The following INPP5F variants were observed in gnomAD, a reference collection of about 807,000 sequenced individuals.
The protein encoded by INPP5F is phosphatidylinositide 4-phosphatase SAC2.
INPP5F carries 97 observed loss-of-function variants against 137.2 expected under a neutral mutation model. The ratio of observed to expected loss-of-function variants is 0.71; its 90% CI spans 0.60 to 0.84. INPP5F has a LOEUF of 0.84. Ranked by LOEUF, INPP5F falls within the 40% of genes least tolerant of loss-of-function variation. The pLI is 0.00. For missense variants in INPP5F, 1,271 were observed against 1,371.9 expected (o/e 0.93, Z 1.16); for synonymous variants, 504 against 476.9 (o/e 1.06, Z -0.74).
At chr10:119,773,003 C>T (rs761525265) in intron 2 of INPP5F, among the ~76,000 whole-genome samples, 1 of 152,068 alleles carries the variant, frequency 6.6e-6, no homozygotes, top group Non-Finnish European at 1.5e-5. Context: ...TTGCCTTGGC[C>T]TCCCAAAGTG....
intron 1 of INPP5F, among the ~76,000 whole-genome samples, chr10:119,726,666 C>A (rs1419669509): frequency 1.3e-5 from 2 of 152,214 alleles, no homozygotes; most frequent in African/African-American, 4.8e-5. Flanking sequence ...TCCCCTCCGG[C>A]AGAAAGTTCC....
intron 3 of INPP5F, among the ~76,000 whole-genome samples, chr10:119,782,757 G>C (rs578252780): frequency 2.6e-5 from 4 of 152,278 alleles, no homozygotes; most frequent in African/African-American, 9.6e-5. Context: ...GTGGGGCCTG[G>C]ATCTAGACTC....
At chr10:119,773,948 T>G (rs1849438206) in intron 2 of INPP5F, among the ~76,000 whole-genome samples, 1 of 152,170 alleles carries the variant, frequency 6.6e-6, no homozygotes, top group Non-Finnish European at 1.5e-5. Context: ...GCATTTAGTC[T>G]TTCAAGTGAA....
At chr10:119,799,692 T>TA (rs1249855132) in intron 9 of INPP5F, among the ~76,000 whole-genome samples, 14 of 152,204 alleles carry the variant, frequency 9.2e-5, no homozygotes. Context: ...TAAACATACT[T>TA]ATACTGCTTA....
chr10:119,755,200 A>G (rs1848804283), intron 2 of INPP5F, among the ~76,000 whole-genome samples: 1 of 152,194 alleles, frequency 6.6e-6, no homozygotes, highest in African/African-American at 2.4e-5. Flanking sequence ...TGTCATAGCA[A>G]AGTGCCACCA....
At chr10:119,726,460 C>A in intron 1 of INPP5F, 101 bp downstream of exon 1, 1 of 566,380 alleles carries the variant, frequency 1.8e-6, no homozygotes, top group Non-Finnish European at 2.5e-6. Context: ...CGCCTGCGGG[C>A]CTGGTGAGGC....
chr10:119,758,239 T>C (rs1270832190), intron 2 of INPP5F, among the ~76,000 whole-genome samples: 1 of 152,166 alleles, frequency 6.6e-6, no homozygotes, highest in Non-Finnish European at 1.5e-5. Context: ...TGCTCCTGGA[T>C]GGAAAGCATC....
At chr10:119,758,612 A>G (rs1413886243) in intron 2 of INPP5F, among the ~76,000 whole-genome samples, 1 of 152,194 alleles carries the variant, frequency 6.6e-6, no homozygotes, top group Non-Finnish European at 1.5e-5. Context: ...GATAAGCAAA[A>G]AGATTCATTA....
At chr10:119,754,149 A>G (rs1232723727) in intron 2 of INPP5F, among the ~76,000 whole-genome samples, 1 of 152,218 alleles carries the variant, frequency 6.6e-6, no homozygotes, top group East Asian at 1.9e-4. Flanking sequence ...TCTAGGTAAG[A>G]GACTTATTTG....
At chr10:119,747,983 A>G (rs759852319) in intron 1 of INPP5F, among the ~76,000 whole-genome samples, 1 of 152,094 alleles carries the variant, frequency 6.6e-6, no homozygotes, top group Non-Finnish European at 1.5e-5. Flanking sequence ...GCCAGTGGCG[A>G]TTTTGCCTGA....
At chr10:119,791,330 C>T (rs1850135755) in intron 3 of INPP5F, among the ~76,000 whole-genome samples, 187 bp from the exon 4 acceptor site, 1 of 152,130 alleles carries the variant, frequency 6.6e-6, no homozygotes, top group Non-Finnish European at 1.5e-5. Flanking sequence ...GTGTTTTATC[C>T]TCTGCTATAG....
At chr10:119,785,286 G>GTTGTTTTTTTT (rs770290302) in intron 3 of INPP5F, among the ~76,000 whole-genome samples, 4 of 106,226 alleles carry the variant, frequency 3.8e-5, no homozygotes, top group Admixed American at 2.0e-4. Context: ...CTGCCAGACT[G>GTTGTTTTTTTT]TTTTTTTTTT....
chr10:119,767,108 A>AAAAAAAAAAAAAAG lies in INPP5F; in HGVS notation c.179-14514_179-14513insGAAAAAAAAAAAAA, dbSNP rs1564816800. ...CAACAGAGTGAGACTCTGTCTCCAG[A>AAAAAAAAAAAAAAG]AAAAAAAAAAAAAAAAAAAAAAAAA... On this transcript the variant is annotated intron_variant, in intron 2 of 19. Coordinates refer to ENST00000650623, the MANE Select transcript of INPP5F (RefSeq NM_014937.4). Among the ~76,000 whole-genome samples, 3 of 28,558 alleles carry AAAAAAAAAAAAAAG rather than the reference A, an allele frequency of 1.1e-4. 1 individual carries two copies. Among genetic ancestry groups the AAAAAAAAAAAAAAG allele is most frequent in the Non-Finnish European group, 2.3e-4 (3 of 12,922 alleles). 18.7% of individuals were successfully genotyped at this position (28,558 alleles called of 152,430 possible). A position where few individuals can be genotyped will look rare whatever the true frequency, so the allele number is the denominator to read the frequency against.
chr10:119,786,932 C>T (rs771501653), intron 3 of INPP5F, among the ~76,000 whole-genome samples: 2 of 151,250 alleles, frequency 1.3e-5, no homozygotes, highest in Non-Finnish European at 2.9e-5. Flanking sequence ...CAATCCTTAT[C>T]TGAACTTCTT....
intron 14 of INPP5F, among the ~76,000 whole-genome samples, chr10:119,811,315 G>A (rs773856118): frequency 3.9e-5 from 6 of 152,194 alleles, no homozygotes; most frequent in African/African-American, 1.4e-4. Context: ...CAATGAGATA[G>A]GGAGGAATAA....
At chr10:119,801,553 T>C (rs1332204096) in intron 9 of INPP5F, among the ~76,000 whole-genome samples, 1 of 152,028 alleles carries the variant, frequency 6.6e-6, no homozygotes, top group African/African-American at 2.4e-5. Context: ...TAAGTAGATA[T>C]AAAGAATAGA....
intron 2 of INPP5F, among the ~76,000 whole-genome samples, chr10:119,771,882 A>ATATATAT (rs1564820059): frequency 4.1e-5 from 1 of 24,166 alleles, no homozygotes; most frequent in African/African-American, 1.9e-4. Flanking sequence ...ATATATATAT[A>ATATATAT]TTTTTTTTTT....
intron 8 of INPP5F, 30 bp from the exon 9 acceptor site, chr10:119,798,512 GA>G (rs1354648416): frequency 4.5e-6 from 7 of 1,553,866 alleles, no homozygotes; most frequent in African/African-American, 4.1e-5. Context: ...ACATGGGAAG[GA>G]AAAAAAGATT....
chr10:119,767,224 G>T (rs1849201190), intron 2 of INPP5F, among the ~76,000 whole-genome samples: 1 of 150,230 alleles, frequency 6.7e-6, no homozygotes, highest in South Asian at 2.1e-4. Context: ...AGGGGAAATA[G>T]TAAATTTAAG....
Sources: allele counts gnomAD v4.1 joint callset (sites outside exome capture counted in the v4.1 genomes callset), GRCh38; gene constraint gnomAD v4.1.1; transcripts MANE v1.5; gene names NCBI Gene and HGNC (gene_info 2026-07-23, HGNC 2026-07-21).